CDH11: variants seen among roughly 807,000 people sequenced by gnomAD.
CDH11 encodes cadherin-11.
In CDH11, 11 loss-of-function variants were observed where a neutral mutation model predicts 67.8. The observed-to-expected ratio is 0.16, with a 90% CI of 0.10 to 0.27. The LOEUF is 0.27. Ranked by LOEUF, CDH11 falls within the 10% of genes least tolerant of loss-of-function variation. The pLI is 1.00. For missense variants in CDH11, 847 were observed against 1,031.2 expected (o/e 0.82, Z 2.45); for synonymous variants, 419 against 400.0 (o/e 1.05, Z -0.57).
chr16:65,123,734 TG>T (rs2075373990), upstream of CDH11: 1 of 152,486 alleles, frequency 6.6e-6, no homozygotes, highest in African/African-American at 2.4e-5. Flanking sequence ...TGGCGCTGCG[TG>T]CCTGCCCCCA....
intron 2 of CDH11, among the ~76,000 whole-genome samples, chr16:65,018,548 C>T (rs1398254448): frequency 1.3e-5 from 2 of 152,122 alleles, no homozygotes; most frequent in South Asian, 2.1e-4. Context: ...ATTTTGCTCA[C>T]AGTAGTATAC....
intron 1 of CDH11, among the ~76,000 whole-genome samples, chr16:65,111,253 T>C (rs1330755517): frequency 6.6e-6 from 1 of 152,212 alleles, no homozygotes; most frequent in African/African-American, 2.4e-5. Context: ...AACAATTTTA[T>C]AGATTAATAT....
intron 3 of CDH11, among the ~76,000 whole-genome samples, chr16:65,002,868 T>C (rs2072953465): frequency 6.6e-6 from 1 of 152,140 alleles, no homozygotes; most frequent in Non-Finnish European, 1.5e-5. Flanking sequence ...AATATTACCA[T>C]GTAAATTCAT....
chr16:64,974,817 A>C (rs2072118197), intron 8 of CDH11, among the ~76,000 whole-genome samples: 1 of 152,252 alleles, frequency 6.6e-6, no homozygotes, highest in Non-Finnish European at 1.5e-5. Context: ...TGTGGGAAGA[A>C]AGATCATTAA....
chr16:65,048,446 T>A (rs1418085111), intron 2 of CDH11, among the ~76,000 whole-genome samples: 1 of 152,186 alleles, frequency 6.6e-6, no homozygotes, highest in Admixed American at 6.5e-5. Context: ...TGCACCCATG[T>A]GTCTATTACA....
chr16:64,982,331 C>G (rs770064144), intron 7 of CDH11, 30 bp from the exon 8 acceptor site: 1 of 1,561,636 alleles, frequency 6.4e-7, no homozygotes, highest in Admixed American at 1.7e-5. Context: ...GATTGACAAC[C>G]AATTCCTTGA....
At chr16:65,049,686 A>G (rs1345432105) in intron 2 of CDH11, among the ~76,000 whole-genome samples, 1 of 152,172 alleles carries the variant, frequency 6.6e-6, no homozygotes, top group African/African-American at 2.4e-5. Flanking sequence ...CAGGTGACCT[A>G]CCACATAAGG....
At chr16:64,966,703 AT>A (rs56413734) in intron 11 of CDH11, among the ~76,000 whole-genome samples, 109,005 of 152,000 alleles carry the variant, frequency 0.72, 41,451 homozygotes, top group East Asian at 1. Flanking sequence ...GTTGATATCA[AT>A]TTTGGGTGAG....
chr16:64,993,196 A>ACCTTCCTTCCTTCCTTCCTT (rs71143543), intron 4 of CDH11, among the ~76,000 whole-genome samples, 162 bp from the exon 5 acceptor site: 10,235 of 147,150 alleles, frequency 0.07, 611 homozygotes, highest in East Asian at 0.17. Context: ...CAGCCAACCA[A>ACCTTCCTTCCTTCCTTCCTT]CCTTCCTTCC....
intron 11 of CDH11, among the ~76,000 whole-genome samples, chr16:64,968,840 A>G (rs1167564515): frequency 6.6e-6 from 1 of 152,198 alleles, no homozygotes; most frequent in Non-Finnish European, 1.5e-5. Flanking sequence ...TTAATAGGAT[A>G]TGGAATGTGA....
chr16:65,000,964 A>G (rs542261470), intron 3 of CDH11, among the ~76,000 whole-genome samples: 17 of 151,930 alleles, frequency 1.1e-4, no homozygotes, highest in Non-Finnish European at 2.4e-4. Context: ...TTAAATTATT[A>G]TTATGAGACT....
intron 2 of CDH11, among the ~76,000 whole-genome samples, chr16:65,047,439 C>T (rs1007935395): frequency 1.3e-5 from 2 of 151,922 alleles, no homozygotes; most frequent in Admixed American, 1.3e-4. Context: ...GCAACCTCCG[C>T]CTGCTGGGTT....
chr16:65,110,771 A>G (rs528083279), intron 1 of CDH11, among the ~76,000 whole-genome samples: 2 of 151,968 alleles, frequency 1.3e-5, no homozygotes, highest in Admixed American at 1.3e-4. Context: ...CTGGCCCTTT[A>G]AGCCCCTGGA....
At chr16:65,060,654 C>T (rs1057456808) in intron 1 of CDH11, among the ~76,000 whole-genome samples, 1 of 152,096 alleles carries the variant, frequency 6.6e-6, no homozygotes, top group Admixed American at 6.6e-5. Flanking sequence ...TAACTTTAAC[C>T]TCTTCTTCTG....
chr16:64,967,952 T>G (rs766642831), intron 11 of CDH11, among the ~76,000 whole-genome samples: 2 of 152,180 alleles, frequency 1.3e-5, no homozygotes, highest in Non-Finnish European at 2.9e-5. Context: ...TGTTCACACA[T>G]TCCCTGGAAC....
chr16:65,085,038 T>A (rs997412509), intron 1 of CDH11, among the ~76,000 whole-genome samples: 3 of 152,018 alleles, frequency 2.0e-5, no homozygotes, highest in Admixed American at 1.3e-4. Flanking sequence ...GCCTCCCGAG[T>A]AGTTGGGATT....
At chr16:65,118,368 C>T (rs2075277802) in intron 1 of CDH11, among the ~76,000 whole-genome samples, 1 of 152,076 alleles carries the variant, frequency 6.6e-6, no homozygotes, top group Non-Finnish European at 1.5e-5. Context: ...TAACTCCTAC[C>T]AGTGCACCAG....
At chr16:64,965,592 T>A (rs1026390364) in intron 11 of CDH11, among the ~76,000 whole-genome samples, 12 of 152,168 alleles carry the variant, frequency 7.9e-5, no homozygotes. Flanking sequence ...TACCTGAAGC[T>A]GTTTTAAAGT....
At chr16:65,084,697 G>T (rs1436023301) in intron 1 of CDH11, among the ~76,000 whole-genome samples, 1 of 152,096 alleles carries the variant, frequency 6.6e-6, no homozygotes, top group Admixed American at 6.5e-5. Flanking sequence ...TTGCAATAAT[G>T]CATTCAGCTA....
Sources: gnomAD v4.1 joint callset for allele counts (sites outside exome capture counted in the v4.1 genomes callset) on GRCh38, gnomAD v4.1.1 for gene constraint, MANE v1.5 for transcripts, NCBI Gene and HGNC (gene_info 2026-07-23, HGNC 2026-07-21) for gene names.